The following BCL9 variants were observed in gnomAD, a reference collection of about 807,000 sequenced individuals.
The protein encoded by BCL9 is BCL9 transcription coactivator.
A neutral mutation model predicts 88.5 loss-of-function variants in BCL9; 25 were observed. The ratio of observed to expected loss-of-function variants is 0.28; its 90% confidence interval spans 0.21 to 0.39. The LOEUF is 0.39. BCL9 is among the 10% of genes least tolerant of loss of function. The pLI, the probability that BCL9 is intolerant of heterozygous loss-of-function variation, is 1.00. For missense variants in BCL9, 1,817 were observed against 1,877.8 expected (o/e 0.97, Z 0.60); for synonymous variants, 711 against 673.3 (o/e 1.06, Z -0.87).
At chr1:147,582,534 G>A (rs1656412439) in intron 1 of BCL9, among the ~76,000 whole-genome samples, 1 of 152,124 alleles carries the variant, frequency 6.6e-6, no homozygotes, top group African/African-American at 2.4e-5. Flanking sequence ...GTACAGGGTG[G>A]CAAACTAGGA....
At chr1:147,598,161 G>A (rs587631747) in intron 1 of BCL9, among the ~76,000 whole-genome samples, 2 of 152,284 alleles carry the variant, frequency 1.3e-5, no homozygotes, top group East Asian at 1.9e-4. Flanking sequence ...AGAAAAGTCC[G>A]TAAGTCCATA....
At chr1:147,618,488 T>C (rs1658413179) in intron 7 of BCL9, among the ~76,000 whole-genome samples, 1 of 152,174 alleles carries the variant, frequency 6.6e-6, no homozygotes, top group African/African-American at 2.4e-5. Flanking sequence ...CAGAAACACA[T>C]AGTAGACATG....
At chr1:147,616,334 G>A (rs1406569686) in intron 7 of BCL9, among the ~76,000 whole-genome samples, 8 of 152,128 alleles carry the variant, frequency 5.3e-5, no homozygotes, top group Non-Finnish European at 1.0e-4. Context: ...GAGCCTCATC[G>A]ACTTTCAGAG....
At position 147,625,089 on chromosome 1, in the gene BCL9, G is replaced by T. The variant is rs1205245662; in HGVS notation, c.*130G>T. 24 of 1,106,422 alleles carry T rather than the reference G, an allele frequency of 2.2e-5. No individual in the cohort carries two copies. Among genetic ancestry groups the T allele is most frequent in the Non-Finnish European group, 2.8e-5 (23 of 812,116 alleles). The allele number at this position is 1,106,422 out of a possible 1,614,324, so 68.5% of individuals were successfully genotyped here. On this transcript the variant is annotated 3_prime_UTR_variant, in exon 10 of 10. Coordinates refer to ENST00000234739, the MANE Select transcript of BCL9 (RefSeq NM_004326.4). ...AGAACAGAGACCCGAGGGCTGCTTT[G>T]GGGGAGGGGGGAACTCGAGAATGTA...
chr1:147,602,292 C>T (rs782602056), intron 1 of BCL9, among the ~76,000 whole-genome samples: 3 of 151,508 alleles, frequency 2.0e-5, no homozygotes, highest in Non-Finnish European at 4.4e-5. Flanking sequence ...CTGCAACCTC[C>T]GCCTCCCCAT....
intron 1 of BCL9, among the ~76,000 whole-genome samples, chr1:147,591,978 C>A (rs1656867652): frequency 6.6e-6 from 1 of 152,172 alleles, no homozygotes; most frequent in Non-Finnish European, 1.5e-5. Context: ...TAATGAAGCT[C>A]TCACTCTGCT....
chr1:147,549,050 C>T (rs1654762948), intron 1 of BCL9, among the ~76,000 whole-genome samples: 1 of 129,918 alleles, frequency 7.7e-6, no homozygotes, highest in African/African-American at 2.9e-5. Flanking sequence ...GATCTCGGCT[C>T]ACTGCAACCT....
intron 3 of BCL9, among the ~76,000 whole-genome samples, chr1:147,608,298 G>T (rs1292080132): frequency 2.7e-5 from 4 of 147,604 alleles, no homozygotes; most frequent in African/African-American, 1.0e-4. Context: ...GCTCTAAGGG[G>T]TAATAGAATG....
chr1:147,580,682 A>C (rs1656325961), intron 1 of BCL9, among the ~76,000 whole-genome samples: 2 of 152,208 alleles, frequency 1.3e-5, no homozygotes, highest in South Asian at 4.1e-4. Flanking sequence ...AAGGAAAGGA[A>C]AAGCCCCTTT....
rs1410407240 is a variant in BCL9, at chr1:147,604,843, A to G, written c.-411A>G. ...AAACATTCCCATCTGATTGGGTGGC[A>G]GAGATCATTTTTGGAAAGTTCTTCC... On this transcript the variant is annotated 5_prime_UTR_variant, in exon 2 of 10. Transcript: ENST00000234739. The G allele has an allele frequency of 6.6e-6, 1 of 152,196 alleles. No individual in the cohort carries two copies. The highest frequency in any genetic ancestry group is 1.5e-5 in the Non-Finnish European group (1 of 68,038). 9.4% of individuals were successfully genotyped at this position (152,196 alleles called of 1,614,324 possible).
chr1:147,582,756 C>T (rs1553198785), intron 1 of BCL9, among the ~76,000 whole-genome samples: 1 of 152,214 alleles, frequency 6.6e-6, no homozygotes, highest in African/African-American at 2.4e-5. Flanking sequence ...TCTATGACTG[C>T]TTTCACCGTA....
chr1:147,570,553 CT>C (rs1235414479), intron 1 of BCL9, among the ~76,000 whole-genome samples: 1 of 151,958 alleles, frequency 6.6e-6, no homozygotes, highest in Non-Finnish European at 1.5e-5. Context: ...CACTCTCTGC[CT>C]TTTGCTTCTG....
intron 1 of BCL9, among the ~76,000 whole-genome samples, chr1:147,545,666 T>G (rs1019486235): frequency 1.3e-5 from 2 of 152,184 alleles, no homozygotes; most frequent in African/African-American, 4.8e-5. Flanking sequence ...CAAAACTCAC[T>G]AGTTACAAAT....
At chr1:147,599,435 G>A in intron 1 of BCL9, among the ~76,000 whole-genome samples, 1 of 152,174 alleles carries the variant, frequency 6.6e-6, no homozygotes, top group East Asian at 1.9e-4. Context: ...ATTCGTTTCT[G>A]TCAAAAGATG....
At chr1:147,588,608 G>A (rs1189323532) in intron 1 of BCL9, among the ~76,000 whole-genome samples, 4 of 152,140 alleles carry the variant, frequency 2.6e-5, no homozygotes, top group Non-Finnish European at 4.4e-5. Context: ...GGGGTGGGGC[G>A]AGGCCAGGAG....
chr1:147,545,342 AGT>A (rs1654516844), intron 1 of BCL9, among the ~76,000 whole-genome samples: 1 of 151,682 alleles, frequency 6.6e-6, no homozygotes, highest in African/African-American at 2.4e-5. Flanking sequence ...CCCCACCCCA[AGT>A]GTGTTACTCA....
chr1:147,555,710 T>C (rs1416154329), intron 1 of BCL9, among the ~76,000 whole-genome samples: 4 of 152,230 alleles, frequency 2.6e-5, no homozygotes, highest in Admixed American at 2.0e-4. Flanking sequence ...TCATTTTTTG[T>C]CCCGGGTTCT....
chr1:147,619,996 G>C lies in BCL9; in HGVS notation c.1841G>C (p.Gly614Ala). Residue 614 changes from glycine (G) to alanine (A), a missense_variant, in exon 8 of 10, where the codon GGT (glycine) becomes GCT (alanine). Physicochemically the swap from Gly to Ala is moderately conservative, Grantham distance 60 (BLOSUM62 0). Transcript: ENST00000234739. The surrounding 1 kb of genome is among the most constrained non-coding windows in gnomAD (Gnocchi z 4.1). The part of the protein sequence containing the change: ...NFPPGQGIFS[G>A]PGRGERFPNP... ...CCTCCTGGCCAGGGCATTTTCAGCG[G>C]TCCTGGCCGAGGGGAACGCTTCCCA... 6.2e-7 allele frequency: 1 copy of C among 1,614,052 alleles called. No homozygotes were observed. The highest frequency in any genetic ancestry group is 8.5e-7 in the Non-Finnish European group (1 of 1,179,904).
At chr1:147,591,925 A>ACTGGACT (rs1340293179) in intron 1 of BCL9, among the ~76,000 whole-genome samples, 2 of 152,178 alleles carry the variant, frequency 1.3e-5, no homozygotes, top group Non-Finnish European at 2.9e-5. Flanking sequence ...TGTTTCCTCA[A>ACTGGACT]CTGGACTGTA....
Sources: allele counts gnomAD v4.1 joint callset (sites outside exome capture counted in the v4.1 genomes callset), GRCh38; gene constraint gnomAD v4.1.1; non-coding constraint Gnocchi (gnomAD v3.1); transcripts MANE v1.5; gene names NCBI Gene and HGNC (gene_info 2026-07-23, HGNC 2026-07-21).